BBX: variants seen among roughly 807,000 people sequenced by gnomAD.
BBX encodes HMG box transcription factor BBX.
In BBX, 30 loss-of-function variants were observed where a neutral mutation model predicts 100.2. That is an observed-to-expected ratio of 0.30 (90% CI 0.22 to 0.41). BBX has a LOEUF of 0.41. BBX is among the 10% of genes least tolerant of loss of function. BBX has a pLI of 1.00. For synonymous variants in BBX, 376 were observed against 388.1 expected (o/e 0.97, Z 0.37); for missense variants, 1,023 against 1,129.8 (o/e 0.91, Z 1.35).
chr3:107,713,959 ATTTTTTTC>A (rs2061906299), intron 4 of BBX, among the ~76,000 whole-genome samples: 2 of 102,398 alleles, frequency 2.0e-5, no homozygotes, highest in African/African-American at 3.5e-5. Flanking sequence ...TTTTTTAATA[ATTTTTTTC>A]TTTTTTTTTT....
At chr3:107,590,356 T>A (rs898836045) in intron 2 of BBX, among the ~76,000 whole-genome samples, 7 of 152,228 alleles carry the variant, frequency 4.6e-5, no homozygotes, top group African/African-American at 1.7e-4. Flanking sequence ...AGTTGGGATA[T>A]CACCTCAAAC....
intron 12 of BBX, 95 bp from the exon 13 acceptor site, chr3:107,778,276 T>C: frequency 6.9e-7 from 1 of 1,459,268 alleles, no homozygotes; most frequent in Non-Finnish European, 9.5e-7. Flanking sequence ...CCAGAGACCC[T>C]GTTTTCAAAT....
intron 2 of BBX, among the ~76,000 whole-genome samples, chr3:107,623,112 A>G (rs1312367698): frequency 6.6e-6 from 1 of 152,170 alleles, no homozygotes; most frequent in Non-Finnish European, 1.5e-5. Flanking sequence ...CCTCTCTGCC[A>G]TCGACGCAGT....
intron 1 of BBX, chr3:107,523,425 A>T (rs2047511502): frequency 6.5e-6 from 1 of 153,276 alleles, no homozygotes; most frequent in South Asian, 2.0e-4. Flanking sequence ...GCGCTGAGGC[A>T]GTGCCCTGCG....
chr3:107,619,276 T>A (rs918416312), intron 2 of BBX, among the ~76,000 whole-genome samples: 6 of 152,152 alleles, frequency 3.9e-5, no homozygotes, highest in African/African-American at 1.4e-4. Context: ...GTCATTATAT[T>A]TGAAGTAAGT....
chr3:107,650,960 A>G (rs2057804022), intron 3 of BBX, among the ~76,000 whole-genome samples: 1 of 152,238 alleles, frequency 6.6e-6, no homozygotes, highest in East Asian at 1.9e-4. Flanking sequence ...CCTTTTTGCT[A>G]TGTCCTTACA....
chr3:107,569,819 G>A (rs1436548626), intron 2 of BBX, among the ~76,000 whole-genome samples: 2 of 152,148 alleles, frequency 1.3e-5, no homozygotes, highest in Non-Finnish European at 2.9e-5. Context: ...GAAGGGGACG[G>A]ACTTACCCTC....
intron 16 of BBX, 88 bp downstream of exon 16, chr3:107,798,808 G>T: frequency 1.8e-4 from 177 of 972,086 alleles, no homozygotes; most frequent in Middle Eastern, 2.6e-4. Flanking sequence ...GAGCCACAAT[G>T]AAATACACTA....
chr3:107,666,708 G>A (rs2058763851), intron 3 of BBX, among the ~76,000 whole-genome samples: 1 of 152,026 alleles, frequency 6.6e-6, no homozygotes, highest in Non-Finnish European at 1.5e-5. Context: ...AGTAGCTGGG[G>A]CTACAGGTGC....
At chr3:107,624,445 AT>A (rs1190365737) in intron 2 of BBX, among the ~76,000 whole-genome samples, 1 of 152,254 alleles carries the variant, frequency 6.6e-6, no homozygotes, top group Non-Finnish European at 1.5e-5. Context: ...AAAGCAAAAA[AT>A]ATACAGTGTA....
At position 107,779,005 on chromosome 3, in the gene BBX, A is replaced by ATATATATATATATATATATG. The variant is rs1453960408; in HGVS notation, c.2203+502_2203+503insTATGTATATATATATATATA. On this transcript the variant is annotated intron_variant, in intron 13 of 17. Coordinates refer to ENST00000325805, the MANE Select transcript of BBX (RefSeq NM_001142568.3). The stretch of plus-strand genomic sequence containing the variant: ...AAATCCTCCAGCAACATATATATAT[A>ATATATATATATATATATATG]TATATATATATATATACACACACAC... Among the ~76,000 whole-genome samples, 4 of 70,738 alleles carry ATATATATATATATATATATG rather than the reference A, an allele frequency of 5.7e-5. 1 individual carries two copies. Among genetic ancestry groups the ATATATATATATATATATATG allele is most frequent in the African/African-American group, 1.7e-4 (4 of 22,972 alleles). The allele number at this position is 70,738 out of a possible 152,430, so 46.4% of individuals were successfully genotyped here.
intron 9 of BBX, among the ~76,000 whole-genome samples, chr3:107,749,876 C>T (rs1326756687): frequency 6.1e-4 from 93 of 152,146 alleles, no homozygotes; most frequent in Non-Finnish European, 2.5e-4. Flanking sequence ...TCAGGTGATC[C>T]GCCCGCCTCG....
chr3:107,773,483 C>G lies in BBX; in HGVS notation c.1762C>G (p.Leu588Val). Residue 588 changes from leucine to valine, a missense_variant, in exon 11 of 18, where the codon CTA (leucine) becomes GTA (valine). Physicochemically the swap from Leu to Val is conservative, Grantham distance 32 (BLOSUM62 1). Transcript: ENST00000325805. The surrounding 1 kb of genome is among the most constrained non-coding windows in gnomAD (Gnocchi z 4.1). ...TATGGAAGATGCACTACCACCCAGCCTATCAGGACAGGCCAAGCCTGAGGA... is the reference window on the plus strand; with the variant it reads ...TATGGAAGATGCACTACCACCCAGCGTATCAGGACAGGCCAAGCCTGAGGA... ...TPMEDALPPS[L>V]SGQAKPEDSD... The G allele has an allele frequency of 6.2e-7, 1 of 1,614,088 alleles. No individual in the cohort carries two copies. Among genetic ancestry groups the G allele is most frequent in the Non-Finnish European group, 8.5e-7 (1 of 1,179,982 alleles).
rs549020538 is a variant in BBX at position 107,744,671 on chromosome 3, T to C, written c.711T>C (p.Pro237=). Residue 237 remains proline (P), a synonymous_variant, in exon 8 of 18, where the codon CCT becomes CCC. Transcript: ENST00000325805. The stretch of plus-strand genomic sequence containing the variant: ...GCAGGCCTGATGTTTCAGAATCTCC[T>C]GAATTACGTCAGAAGTCACCATTGT... ...GTCRPDVSES[P]ELRQKSPLFQ... is the part of the protein sequence containing the mutation. The C allele has an allele frequency of 1.2e-6, 2 of 1,613,362 alleles. No homozygotes were observed. Among genetic ancestry groups the C allele is most frequent in the Admixed American group, 3.3e-5 (2 of 60,002 alleles).
chr3:107,670,208 T>C (rs2058950524), intron 3 of BBX, among the ~76,000 whole-genome samples: 1 of 152,102 alleles, frequency 6.6e-6, no homozygotes, highest in East Asian at 1.9e-4. Flanking sequence ...TGTATCAACT[T>C]AAAACATACA....
In BBX at chr3:107,773,227, A is replaced by G. The variant is rs753482251; in HGVS notation, c.1506A>G (p.Lys502=). The G allele has an allele frequency of 2.5e-6, 4 of 1,614,076 alleles. No individual in the cohort carries two copies. The South Asian group carries it at 4.4e-5, about 18-fold the overall frequency. ...CAAAAGGAGACTGGGGCATAGAGAAACTTGGAGATACCCCTCGCAAGAAGG... is the reference window on the plus strand; with the variant it reads ...CAAAAGGAGACTGGGGCATAGAGAAGCTTGGAGATACCCCTCGCAAGAAGG... The part of the protein sequence containing the change: ...AVAKGDWGIE[K]LGDTPRKKVR... Residue 502 remains lysine (K), a synonymous_variant, in exon 11 of 18, where the codon AAA becomes AAG. Transcript: ENST00000325805. This position sits in a 1 kb window ranked among gnomAD's most constrained non-coding sequence, Gnocchi z 4.1.
chr3:107,603,290 A>T (rs948301176), intron 2 of BBX, among the ~76,000 whole-genome samples: 1 of 152,058 alleles, frequency 6.6e-6, no homozygotes, highest in African/African-American at 2.4e-5. Flanking sequence ...AAAAGTGTGT[A>T]AAATGCTATC....
rs1481433198 is a variant in BBX, at chr3:107,592,342, T to C, written c.-83-53494T>C. ...CACCAGTGCACTCCAGTCTAGGTGA[T>C]AGAGCGAGACCCTGTCTCAAAAAAA... On this transcript the variant is annotated intron_variant, in intron 2 of 17. Transcript: ENST00000325805. Among the ~76,000 whole-genome samples the C allele has an allele frequency of 7.3e-5, 8 of 109,684 alleles. No individual in the cohort carries two copies. The East Asian group carries it at 1.4e-3, about 19-fold the overall frequency. 72.0% of individuals were successfully genotyped at this position (109,684 alleles called of 152,430 possible).
intron 11 of BBX, among the ~76,000 whole-genome samples, chr3:107,774,216 A>G (rs764282747): frequency 1.4e-4 from 22 of 152,092 alleles, no homozygotes; most frequent in Non-Finnish European, 2.4e-4. Context: ...TATTCCATTG[A>G]GTGTTTTATA....
Sources: gnomAD v4.1 joint callset for allele counts (sites outside exome capture counted in the v4.1 genomes callset) on GRCh38, gnomAD v4.1.1 for gene constraint, Gnocchi (gnomAD v3.1) non-coding constraint, MANE v1.5 for transcripts, NCBI Gene and HGNC (gene_info 2026-07-23, HGNC 2026-07-21) for gene names.